Variants in RSRP1 observed in about 807,000 individuals in gnomAD.
The protein encoded by RSRP1 is arginine and serine rich protein 1, also known as arginine/serine-rich protein 1.
A neutral mutation model predicts 33.0 loss-of-function variants in RSRP1; 37 were observed. The observed-to-expected ratio is 1.12, with a 90% confidence interval of 0.86 to 1.48. The LOEUF (loss-of-function observed/expected upper bound fraction) is 1.48, where lower values mean the gene tolerates loss of function less well. Among genes scored for constraint, RSRP1 ranks in the 40% most tolerant of loss-of-function variants. RSRP1 has a pLI of 0.00. For synonymous variants in RSRP1, 167 were observed against 158.7 expected (o/e 1.05, Z -0.40); for missense variants, 402 against 385.3 (o/e 1.04, Z -0.36).
Position 25,301,560 on chromosome 1 carries a change from T to C in RSRP1, c.-67+36418A>G, listed in dbSNP as rs756916313. On this transcript the variant is annotated intron_variant, in intron 1 of 1. Coordinates refer to the RSRP1 transcript ENST00000561867. ...GGATGTTCTGGCCAAGTTTCAACTC[T>C]GCTCTGCTGAGAAGTCCAATCGAAA... 2.9e-6 allele frequency: 4 copies of C among 1,379,670 alleles called. No homozygotes were observed. In the East Asian group the frequency reaches 9.0e-5, roughly 31 times the overall value. 85.5% of individuals were successfully genotyped at this position (1,379,670 alleles called of 1,614,324 possible).
At chr1:25,257,580 T>C (rs1024583859) in intron 1 of RSRP1, among the ~76,000 whole-genome samples, 2 of 150,132 alleles carry the variant, frequency 1.3e-5, no homozygotes, top group African/African-American at 2.5e-5. Context: ...TTTTGGAAAA[T>C]AAGGCTGGAG....
intron 1 of RSRP1, among the ~76,000 whole-genome samples, chr1:25,274,251 G>C: frequency 7.6e-6 from 1 of 131,800 alleles, no homozygotes; most frequent in Non-Finnish European, 1.8e-5. Flanking sequence ...TGAGTAATTT[G>C]CCCACGGTCG....
In RSRP1 at chr1:25,272,382, G is replaced by C. The variant is rs1290791792; in HGVS notation, c.-66-25353C>G. On this transcript the variant is annotated intron_variant, in intron 1 of 1. Transcript: ENST00000561867. Reference sequence around the variant, plus strand: ...CTCCCCTCCCCATCATAGTCCCTCTGCTTCCGTGTTAACTCCATAGAGAGG... The same window carrying C: ...CTCCCCTCCCCATCATAGTCCCTCTCCTTCCGTGTTAACTCCATAGAGAGG... The C allele has an allele frequency of 7.3e-6, 7 of 961,906 alleles. No homozygotes were observed. The East Asian group carries it at 1.5e-4, about 21-fold the overall frequency. The allele number at this position is 961,906 out of a possible 1,614,324, so 59.6% of individuals were successfully genotyped here. A position where few individuals can be genotyped will look rare whatever the true frequency, so the allele number is the denominator to read the frequency against.
intron 1 of RSRP1, chr1:25,284,572 G>C (rs1641791699): frequency 7.2e-7 from 1 of 1,388,924 alleles, no homozygotes; most frequent in African/African-American, 1.4e-5. Flanking sequence ...CCACCGAGCA[G>C]TTGGCCAAGA....
At chr1:25,244,923 A>C in intron 3 of RSRP1, 1 of 1,379,304 alleles carries the variant, frequency 7.3e-7, no homozygotes, top group Non-Finnish European at 9.4e-7. Context: ...GACTCAAGCC[A>C]TCTGCCTCAT....
At chr1:25,296,452 C>G (rs2124660199) in intron 1 of RSRP1, among the ~76,000 whole-genome samples, 1 of 118,580 alleles carries the variant, frequency 8.4e-6, no homozygotes, top group Admixed American at 8.2e-5. Context: ...ACCATATTGG[C>G]CAGGCTGGTC....
chr1:25,274,970 A>C (rs1640824150), intron 1 of RSRP1, among the ~76,000 whole-genome samples: 1 of 131,678 alleles, frequency 7.6e-6, no homozygotes, highest in African/African-American at 2.6e-5. Context: ...AACAAAAACA[A>C]CAACAAGAAC....
At position 25,310,934 on chromosome 1, in the gene RSRP1, T is replaced by C. The variant is rs185961375; in HGVS notation, c.-67+27044A>G. ...GTTGCAGTGAGCTGAGATCGTGCTATTGCACTCCAGCTTGGGCAACAAGAG... is the reference window on the plus strand; with the variant it reads ...GTTGCAGTGAGCTGAGATCGTGCTACTGCACTCCAGCTTGGGCAACAAGAG... On this transcript the variant is annotated intron_variant, in intron 1 of 1. Transcript: ENST00000561867. 9.4e-3 allele frequency among the ~76,000 whole-genome samples: 1,188 copies of C among 126,182 alleles called. 141 individuals carry two copies. Among genetic ancestry groups the C allele is most frequent in the African/African-American group, 0.03 (1,131 of 37,126 alleles). 82.8% of individuals were successfully genotyped at this position (126,182 alleles called of 152,430 possible). A position where few individuals can be genotyped will look rare whatever the true frequency, so the allele number is the denominator to read the frequency against.
chr1:25,316,071 C>T (rs1458403346), intron 1 of RSRP1, among the ~76,000 whole-genome samples: 2 of 130,956 alleles, frequency 1.5e-5, no homozygotes, highest in East Asian at 3.9e-4. Context: ...TACAACTATC[C>T]GTGGGGCTGC....
intron 1 of RSRP1, among the ~76,000 whole-genome samples, chr1:25,334,214 C>T (rs1645051009): frequency 7.6e-6 from 1 of 131,162 alleles, no homozygotes; most frequent in Non-Finnish European, 1.8e-5. Flanking sequence ...ACAGCCATTC[C>T]AAATGGGATA....
intron 1 of RSRP1, among the ~76,000 whole-genome samples, chr1:25,310,400 T>C (rs1043568212): frequency 7.5e-6 from 1 of 132,872 alleles, no homozygotes; most frequent in African/African-American, 2.6e-5. Context: ...CTCCATGTCA[T>C]GATGCAGCAA....
intron 1 of RSRP1, chr1:25,306,940 A>G: frequency 5.5e-6 from 3 of 547,440 alleles, no homozygotes; most frequent in East Asian, 3.0e-5. Flanking sequence ...TTCTTTCCAA[A>G]TAGGGCCACC....
At chr1:25,303,459 G>C (rs200162404) in intron 1 of RSRP1, 1 of 1,378,852 alleles carries the variant, frequency 7.3e-7, no homozygotes, top group South Asian at 1.2e-5. Flanking sequence ...AGTACCTGCC[G>C]GTAAGAAACT....
rs374115151 is a variant in RSRP1 at position 25,278,566 on chromosome 1, G to A, written c.-66-31537C>T. 4.5e-3 allele frequency among the ~76,000 whole-genome samples: 584 copies of A among 131,198 alleles called. 81 individuals are homozygous for A. The highest frequency in any genetic ancestry group is 0.012 in the African/African-American group (474 of 38,546). 86.1% of individuals were successfully genotyped at this position (131,198 alleles called of 152,430 possible). A position where few individuals can be genotyped will look rare whatever the true frequency, so the allele number is the denominator to read the frequency against. ...GATGGCCTCAGATGACCTCATTCAC[G>A]TGTTTGGCAGTTGGTGATTCACTGG... On this transcript the variant is annotated intron_variant, in intron 1 of 1. Coordinates refer to the RSRP1 transcript ENST00000561867.
chr1:25,253,258 T>C (rs957031177), intron 1 of RSRP1: 1 of 152,250 alleles, frequency 6.6e-6, no homozygotes, highest in Non-Finnish European at 1.5e-5. Flanking sequence ...TTGAAACTTA[T>C]AATCAACATC....
intron 1 of RSRP1, among the ~76,000 whole-genome samples, chr1:25,258,806 G>T (rs1326975221): frequency 6.6e-6 from 1 of 152,052 alleles, no homozygotes; most frequent in Non-Finnish European, 1.5e-5. Flanking sequence ...AAAAAAAACT[G>T]CATTTGTACT....
chr1:25,257,857 C>G (rs759341946), intron 1 of RSRP1, among the ~76,000 whole-genome samples: 11 of 152,084 alleles, frequency 7.2e-5, no homozygotes, highest in Non-Finnish European at 1.6e-4. Context: ...GTGATCTGCC[C>G]ACCTCAGTCT....
In RSRP1 at chr1:25,244,047, T is replaced by C; in HGVS notation, c.673-414A>G. On this transcript the variant is annotated intron_variant, in intron 3 of 4. Coordinates refer to ENST00000243189, the MANE Select transcript of RSRP1 (RefSeq NM_020317.5). ...ATCTGGGCCCAATTACACAGATTCA[T>C]TTAGATACAGCATTTTTTTTTTTTA... The C allele has an allele frequency of 4.2e-6, 5 of 1,193,734 alleles. No individual in the cohort carries two copies. The South Asian group carries it at 6.2e-5, about 15-fold the overall frequency. 73.9% of individuals were successfully genotyped at this position (1,193,734 alleles called of 1,614,324 possible).
intron 1 of RSRP1, among the ~76,000 whole-genome samples, chr1:25,252,551 G>A (rs1007349202): frequency 2.6e-5 from 2 of 76,440 alleles, no homozygotes; most frequent in African/African-American, 5.1e-5. Context: ...TTTTTTTTTT[G>A]AGACGGAGTT....
Sources: allele counts gnomAD v4.1 joint callset (sites outside exome capture counted in the v4.1 genomes callset), GRCh38; gene constraint gnomAD v4.1.1; transcripts MANE v1.5; gene names NCBI Gene and HGNC (gene_info 2026-07-23, HGNC 2026-07-21).